CHST9: variants seen among roughly 807,000 people sequenced by gnomAD.
CHST9 encodes the protein carbohydrate sulfotransferase 9, also known as GalNAc-4-sulfotransferase 2.
Under a neutral mutation model 44.4 loss-of-function variants are expected in CHST9, and 41 were observed. The ratio of observed to expected loss-of-function variants is 0.92; its 90% CI spans 0.72 to 1.20. The LOEUF is 1.20. Among genes scored for constraint, CHST9 ranks in the 50% most tolerant of loss-of-function variants. The pLI, the probability that CHST9 is intolerant of heterozygous loss-of-function variation, is 0.00. For missense variants in CHST9, 504 were observed against 516.5 expected (o/e 0.98, Z 0.23); for synonymous variants, 171 against 178.4 (o/e 0.96, Z 0.33).
intron 3 of CHST9, among the ~76,000 whole-genome samples, chr18:27,033,514 A>G (rs2057361735): frequency 6.6e-6 from 1 of 152,224 alleles, no homozygotes; most frequent in African/African-American, 2.4e-5. Flanking sequence ...TACTTCTGAT[A>G]AAATGATGCA....
At chr18:27,109,542 C>A (rs1391246214) in intron 2 of CHST9, among the ~76,000 whole-genome samples, 1 of 152,230 alleles carries the variant, frequency 6.6e-6, no homozygotes, top group Non-Finnish European at 1.5e-5. Flanking sequence ...ACTGATCCAA[C>A]TGAGATCTGT....
intron 4 of CHST9, among the ~76,000 whole-genome samples, chr18:27,007,464 G>C (rs908089838): frequency 2.6e-5 from 4 of 152,164 alleles, no homozygotes; most frequent in Non-Finnish European, 5.9e-5. Context: ...AGGTGGTTAC[G>C]TGGCTCTCAT....
chr18:26,942,068 C>CTT (rs71169898), intron 5 of CHST9, among the ~76,000 whole-genome samples: 199 of 149,208 alleles, frequency 1.3e-3, no homozygotes, highest in East Asian at 3.9e-3. Flanking sequence ...TCCATTTTGC[C>CTT]TTTTTTTTTT....
At chr18:27,131,535 GA>G (rs1442393668) in intron 2 of CHST9, among the ~76,000 whole-genome samples, 1 of 152,026 alleles carries the variant, frequency 6.6e-6, no homozygotes, top group African/African-American at 2.4e-5. Flanking sequence ...TGGGCGACAC[GA>G]GCAAAACTCC....
At chr18:27,104,829 C>G (rs1225460409) in intron 2 of CHST9, among the ~76,000 whole-genome samples, 1 of 151,802 alleles carries the variant, frequency 6.6e-6, no homozygotes, top group Non-Finnish European at 1.5e-5. Flanking sequence ...TTCATGCTTT[C>G]GTTTTGAATA....
At chr18:27,122,508 A>G (rs1046388101) in intron 2 of CHST9, among the ~76,000 whole-genome samples, 2 of 152,230 alleles carry the variant, frequency 1.3e-5, no homozygotes, top group African/African-American at 4.8e-5. Flanking sequence ...AAGAAAGTAC[A>G]TAATTACGCT....
chr18:27,009,247 C>G (rs1473746597), intron 4 of CHST9, among the ~76,000 whole-genome samples: 1 of 152,128 alleles, frequency 6.6e-6, no homozygotes, highest in East Asian at 1.9e-4. Context: ...TTATGGATGA[C>G]AAAACCTACA....
Position 26,913,553 on chromosome 18 carries a change from C to T in CHST9, c.*2706G>A, listed in dbSNP as rs537276397. ...AATTCCAGACAGGGGAATAACAGAG[C>T]GAAGGGGTCTGCCCATTGTGTTACT... On this transcript the variant is annotated 3_prime_UTR_variant, in exon 6 of 6. Coordinates refer to ENST00000618847, the MANE Select transcript of CHST9 (RefSeq NM_031422.6). 9.2e-5 allele frequency: 14 copies of T among 152,268 alleles called. No homozygotes were observed. The highest frequency in any genetic ancestry group is 4.6e-4 in the Admixed American group (7 of 15,292). The allele number at this position is 152,268 out of a possible 1,614,324, so 9.4% of individuals were successfully genotyped here. A position where few individuals can be genotyped will look rare whatever the true frequency, so the allele number is the denominator to read the frequency against.
chr18:27,154,118 G>A (rs994165319), intron 1 of CHST9, among the ~76,000 whole-genome samples: 10 of 152,206 alleles, frequency 6.6e-5, no homozygotes, highest in Admixed American at 2.0e-4. Context: ...ATTTTATTAT[G>A]AGGCAATTTT....
At chr18:26,957,950 G>A (rs1258591260) in intron 4 of CHST9, among the ~76,000 whole-genome samples, 6 of 151,798 alleles carry the variant, frequency 4.0e-5, no homozygotes, top group African/African-American at 1.4e-4. Context: ...GCAGTGGCAC[G>A]ATCTCCACTC....
chr18:26,920,258 T>C (rs528878813), intron 5 of CHST9, among the ~76,000 whole-genome samples: 4 of 152,200 alleles, frequency 2.6e-5, no homozygotes, highest in Non-Finnish European at 5.9e-5. Context: ...TCAGTGTTAT[T>C]TCCTGGTTTG....
chr18:26,946,043 C>A (rs1382457535), intron 4 of CHST9, among the ~76,000 whole-genome samples: 2 of 152,104 alleles, frequency 1.3e-5, no homozygotes, highest in African/African-American at 4.8e-5. Context: ...TTAGGAAATG[C>A]CTGATGCCTG....
At chr18:27,046,829 C>T (rs62082104) in intron 3 of CHST9, among the ~76,000 whole-genome samples, 2 of 152,068 alleles carry the variant, frequency 1.3e-5, no homozygotes, top group African/African-American at 2.4e-5. Context: ...TCCTTAACCT[C>T]ACCCTCTCAT....
chr18:26,964,320 G>A (rs1287232374), intron 4 of CHST9, among the ~76,000 whole-genome samples: 2 of 152,166 alleles, frequency 1.3e-5, no homozygotes, highest in East Asian at 1.9e-4. Flanking sequence ...TACATGAAAT[G>A]TATGTTCATT....
chr18:26,955,294 A>T (rs2056307362), intron 4 of CHST9, among the ~76,000 whole-genome samples: 1 of 151,192 alleles, frequency 6.6e-6, no homozygotes, highest in African/African-American at 2.4e-5. Flanking sequence ...AGTGTGCTCC[A>T]AATTATGGGA....
At chr18:26,929,515 T>C (rs2055837605) in intron 5 of CHST9, among the ~76,000 whole-genome samples, 2 of 152,228 alleles carry the variant, frequency 1.3e-5, no homozygotes, top group South Asian at 4.1e-4. Context: ...ATAACGCTGC[T>C]TTCCCAACTT....
intron 2 of CHST9, among the ~76,000 whole-genome samples, chr18:27,124,090 C>A (rs763116390): frequency 6.6e-6 from 1 of 152,182 alleles, no homozygotes; most frequent in Non-Finnish European, 1.5e-5. Context: ...TGCACACACA[C>A]AAATGTAACA....
At chr18:27,123,863 C>T (rs990179499) in intron 2 of CHST9, among the ~76,000 whole-genome samples, 3 of 152,194 alleles carry the variant, frequency 2.0e-5, no homozygotes, top group African/African-American at 7.2e-5. Flanking sequence ...AAAATACTAT[C>T]CTGTCACATT....
chr18:27,073,788 A>G (rs1195637753), intron 2 of CHST9, among the ~76,000 whole-genome samples: 3 of 152,042 alleles, frequency 2.0e-5, no homozygotes, highest in Non-Finnish European at 4.4e-5. Context: ...CTCTTTAAAC[A>G]GTATTTTGCT....
Sources: allele counts gnomAD v4.1 joint callset (sites outside exome capture counted in the v4.1 genomes callset), GRCh38; gene constraint gnomAD v4.1.1; transcripts MANE v1.5; gene names NCBI Gene and HGNC (gene_info 2026-07-23, HGNC 2026-07-21).